The following NEGR1 variants were observed in gnomAD, a reference collection of about 807,000 sequenced individuals.
NEGR1 encodes the protein IgLON family member 4.
In NEGR1, 10 loss-of-function variants were observed where a neutral mutation model predicts 40.9. That is an observed-to-expected ratio of 0.24 (90% confidence interval 0.15 to 0.42). The LOEUF is 0.42. Ranked by LOEUF, NEGR1 falls within the 10% of genes least tolerant of loss-of-function variation. The probability of loss-of-function intolerance (pLI) is 1.00; values close to 1 mark genes in which losing one functional copy is unlikely to be tolerated. For synonymous variants in NEGR1, 185 were observed against 166.8 expected (o/e 1.11, Z -0.84); for missense variants, 352 against 438.9 (o/e 0.80, Z 1.77).
At chr1:72,191,306 A>G (rs2100429237) in intron 1 of NEGR1, among the ~76,000 whole-genome samples, 1 of 151,838 alleles carries the variant, frequency 6.6e-6, no homozygotes, top group South Asian at 2.1e-4. Flanking sequence ...TGATCTCAAC[A>G]TCGTTTCTAT....
chr1:72,035,318 C>T (rs1392902579), intron 1 of NEGR1, among the ~76,000 whole-genome samples: 3 of 152,112 alleles, frequency 2.0e-5, no homozygotes, highest in South Asian at 2.1e-4. Context: ...GTGTCCGTGT[C>T]CTGAATTCTT....
chr1:72,128,925 A>G (rs139143255), intron 1 of NEGR1, among the ~76,000 whole-genome samples: 84 of 152,288 alleles, frequency 5.5e-4, no homozygotes, highest in African/African-American at 1.9e-3. Context: ...GGACTGGTTC[A>G]ATCTGCCTGA....
At chr1:71,628,149 C>A (rs889736383) in intron 4 of NEGR1, among the ~76,000 whole-genome samples, 1 of 151,944 alleles carries the variant, frequency 6.6e-6, no homozygotes, top group Admixed American at 6.6e-5. Flanking sequence ...GAATTATTGT[C>A]TCTTCTTTTA....
intron 1 of NEGR1, among the ~76,000 whole-genome samples, chr1:72,128,559 T>A (rs1033972040): frequency 2.6e-5 from 4 of 152,168 alleles, no homozygotes; most frequent in African/African-American, 4.8e-5. Context: ...TAAAAATGAC[T>A]AAGCTAAAAC....
intron 5 of NEGR1, among the ~76,000 whole-genome samples, chr1:71,602,898 T>A (rs552160592): frequency 6.6e-6 from 1 of 152,232 alleles, no homozygotes; most frequent in East Asian, 1.9e-4. Context: ...GTAGCTGAAA[T>A]GCTTTCAGTT....
chr1:71,605,509 C>T (rs1650050358), intron 5 of NEGR1, among the ~76,000 whole-genome samples: 1 of 152,098 alleles, frequency 6.6e-6, no homozygotes, highest in South Asian at 2.1e-4. Flanking sequence ...TATTGAAATG[C>T]CAGTATATTA....
At chr1:71,547,756 C>T (rs917870909) in intron 6 of NEGR1, among the ~76,000 whole-genome samples, 1 of 149,776 alleles carries the variant, frequency 6.7e-6, no homozygotes, top group Non-Finnish European at 1.5e-5. Context: ...TCTGTGGTTG[C>T]CAGCTTTTGA....
intron 6 of NEGR1, among the ~76,000 whole-genome samples, chr1:71,570,292 G>A (rs368243970): frequency 9.9e-5 from 15 of 152,252 alleles, no homozygotes; most frequent in Admixed American, 8.5e-4. Context: ...ATACCCCAAT[G>A]CCACAGGTAC....
chr1:72,164,208 C>T (rs996185884), intron 1 of NEGR1, among the ~76,000 whole-genome samples: 6 of 151,852 alleles, frequency 4.0e-5, no homozygotes, highest in Non-Finnish European at 8.8e-5. Flanking sequence ...TGCTCTGAAC[C>T]TTTAACGACC....
intron 1 of NEGR1, among the ~76,000 whole-genome samples, chr1:72,229,720 A>C (rs543297156): frequency 7.9e-5 from 12 of 151,966 alleles, no homozygotes; most frequent in African/African-American, 2.9e-4. Flanking sequence ...TATATTTCCA[A>C]AAGTCTGTAA....
At chr1:71,596,044 CAAAAAAAAA>C (rs148493700) in intron 5 of NEGR1, among the ~76,000 whole-genome samples, 2 of 132,548 alleles carry the variant, frequency 1.5e-5, no homozygotes, top group East Asian at 2.2e-4. Context: ...CTCCCTGCCA[CAAAAAAAAA>C]AAAAAAAAAA....
chr1:72,096,641 C>A (rs1648708595), intron 1 of NEGR1, among the ~76,000 whole-genome samples: 1 of 146,042 alleles, frequency 6.8e-6, no homozygotes, highest in African/African-American at 2.5e-5. Flanking sequence ...GTAGTTGTAT[C>A]TTTTACTTTT....
chr1:71,930,442 T>C (rs914645136), intron 2 of NEGR1, among the ~76,000 whole-genome samples: 1 of 152,136 alleles, frequency 6.6e-6, no homozygotes, highest in Non-Finnish European at 1.5e-5. Context: ...TGAAAGTATA[T>C]GAAAATCATA....
intron 1 of NEGR1, among the ~76,000 whole-genome samples, chr1:71,955,799 T>C (rs191537603): frequency 6.6e-6 from 1 of 152,282 alleles, no homozygotes; most frequent in Admixed American, 6.5e-5. Context: ...GTTCCTCTTG[T>C]GCTTTTCTGG....
chr1:72,260,268 C>T (rs1157326812), intron 1 of NEGR1, among the ~76,000 whole-genome samples: 10 of 152,008 alleles, frequency 6.6e-5, no homozygotes, highest in African/African-American at 2.4e-4. Flanking sequence ...ATAAAGACAT[C>T]CTCCATCCTT....
intron 3 of NEGR1, among the ~76,000 whole-genome samples, chr1:71,763,277 T>G (rs1312119300): frequency 1.3e-5 from 2 of 152,136 alleles, no homozygotes; most frequent in Admixed American, 6.6e-5. Context: ...CATAGTACTT[T>G]ATGCCACCGC....
chr1:71,781,906 T>C (rs1656729969), intron 2 of NEGR1, among the ~76,000 whole-genome samples: 1 of 151,990 alleles, frequency 6.6e-6, no homozygotes, highest in Non-Finnish European at 1.5e-5. Flanking sequence ...TTGACCCACC[T>C]CTCCCAACGG....
At chr1:72,193,429 G>T (rs893551227) in intron 1 of NEGR1, among the ~76,000 whole-genome samples, 1 of 151,592 alleles carries the variant, frequency 6.6e-6, no homozygotes, top group African/African-American at 2.4e-5. Flanking sequence ...AAAATTTAGG[G>T]ACTATATGAA....
chr1:72,239,669 A>G (rs1156815177), intron 1 of NEGR1, among the ~76,000 whole-genome samples: 2 of 151,716 alleles, frequency 1.3e-5, no homozygotes. Context: ...AACCATTTAA[A>G]TTAAGGATAG....
Sources: allele counts gnomAD v4.1 joint callset (sites outside exome capture counted in the v4.1 genomes callset), GRCh38; gene constraint gnomAD v4.1.1; transcripts MANE v1.5; gene names NCBI Gene and HGNC (gene_info 2026-07-23, HGNC 2026-07-21).